Variants in ZNF678 observed in about 807,000 individuals in gnomAD.
ZNF678 encodes the protein zinc finger protein 678.
In ZNF678, 5 loss-of-function variants were observed where a neutral mutation model predicts 3.0. The observed-to-expected ratio is 1.69, with a 90% CI of 0.88 to 3.56. ZNF678 has a LOEUF of 3.56. Ranked by LOEUF, ZNF678 falls within the 30% of genes most tolerant of loss-of-function variation. The probability of loss-of-function intolerance (pLI) is 0.00; values close to 1 mark genes in which losing one functional copy is unlikely to be tolerated. For synonymous variants in ZNF678, 218 were observed against 199.6 expected (o/e 1.09, Z -0.78); for missense variants, 593 against 605.0 (o/e 0.98, Z 0.21).
At chr1:227,599,243 A>G (rs1657672802) in intron 1 of ZNF678, 2 of 686,328 alleles carry the variant, frequency 2.9e-6, no homozygotes, top group African/African-American at 1.8e-5. Context: ...TATTGATCAC[A>G]TTCTAATTCC....
chr1:227,599,079 A>T, intron 1 of ZNF678: 1 of 1,597,752 alleles, frequency 6.3e-7, no homozygotes, highest in Non-Finnish European at 8.6e-7. Context: ...GTTGGCCCTG[A>T]AGACTGGATT....
intron 1 of ZNF678, among the ~76,000 whole-genome samples, chr1:227,628,707 T>C (rs113246998): frequency 4.6e-5 from 7 of 152,338 alleles, no homozygotes; most frequent in Admixed American, 2.6e-4. Context: ...TAAGAGCACT[T>C]GGTTGGCTTG....
intron 3 of ZNF678, among the ~76,000 whole-genome samples, chr1:227,651,640 G>A (rs1386246864): frequency 6.6e-6 from 1 of 152,214 alleles, no homozygotes; most frequent in Non-Finnish European, 1.5e-5. Context: ...GCGTCCTCAA[G>A]TTTGCCACCT....
chr1:227,637,479 A>T (rs1658708265), intron 1 of ZNF678, among the ~76,000 whole-genome samples: 1 of 152,150 alleles, frequency 6.6e-6, no homozygotes, highest in Admixed American at 6.5e-5. Flanking sequence ...GCCATCTGAG[A>T]ACTGTGGCTT....
At chr1:227,601,005 C>T (rs1462317511) in intron 1 of ZNF678, among the ~76,000 whole-genome samples, 1 of 152,160 alleles carries the variant, frequency 6.6e-6, no homozygotes, top group African/African-American at 2.4e-5. Flanking sequence ...CCAGTTCTCC[C>T]AGCATCATTT....
At chr1:227,593,864 C>T (rs56390726) in intron 1 of ZNF678, among the ~76,000 whole-genome samples, 31,037 of 129,812 alleles carry the variant, frequency 0.24, 3,884 homozygotes, top group African/African-American at 0.41. Flanking sequence ...ATCCCCCCCC[C>T]CCCTTTTTTT....
chr1:227,569,682 C>G (rs181102815), intron 1 of ZNF678, among the ~76,000 whole-genome samples: 89 of 149,736 alleles, frequency 5.9e-4, no homozygotes, highest in African/African-American at 1.9e-3. Context: ...TTAGTTTAAG[C>G]TATTTCTTGG....
At chr1:227,564,987 C>T (rs191073234) in intron 1 of ZNF678, among the ~76,000 whole-genome samples, 67 of 151,462 alleles carry the variant, frequency 4.4e-4, no homozygotes, top group Non-Finnish European at 6.8e-4. Flanking sequence ...CCCGCCTTGG[C>T]CTCCCAAAGT....
At position 227,655,182 on chromosome 1, in the gene ZNF678, A is replaced by G; in HGVS notation, c.932A>G (p.His311Arg). Residue 311 changes from histidine (H) to arginine (R), a missense_variant, in exon 4 of 4, where the codon CAT becomes CGT. Transcript: ENST00000343776. ...ACACAGTTTGCAAGCCTTACTCGTC[A>G]TAAAAGAATTCATACTGGAGAAAAA... is the stretch of plus-strand genomic sequence containing the variant. ...AFTQFASLTR[H>R]KRIHTGEKPY... 1 of 1,612,332 alleles carries G rather than the reference A, an allele frequency of 6.2e-7. No homozygotes were observed. The highest frequency in any genetic ancestry group is 1.1e-5 in the South Asian group (1 of 90,930).
At chr1:227,597,584 A>G (rs1254708006) in intron 1 of ZNF678, among the ~76,000 whole-genome samples, 2 of 152,226 alleles carry the variant, frequency 1.3e-5, no homozygotes, top group African/African-American at 2.4e-5. Context: ...AGCACATTCT[A>G]ATGCTAAAAA....
downstream of ZNF678, among the ~76,000 whole-genome samples, chr1:227,667,165 C>G (rs886300902): frequency 1.3e-5 from 2 of 151,498 alleles, no homozygotes. Flanking sequence ...TTCCTCAGCC[C>G]CCCAAGTAGC....
intron 1 of ZNF678, among the ~76,000 whole-genome samples, chr1:227,590,959 A>G (rs1021120975): frequency 9.2e-5 from 14 of 151,714 alleles, no homozygotes; most frequent in African/African-American, 3.4e-4. Context: ...TGGGCCGGGA[A>G]TTCATTCAGG....
At chr1:227,635,123 G>A (rs1336796439) in intron 1 of ZNF678, among the ~76,000 whole-genome samples, 2 of 150,934 alleles carry the variant, frequency 1.3e-5, no homozygotes, top group Admixed American at 6.6e-5. Context: ...AGTTGAATAC[G>A]TAAGTGAAGA....
Position 227,638,294 on chromosome 1 carries a change from A to G in ZNF678, c.-163-8250A>G, listed in dbSNP as rs116496397. ...GAGGGAATTGCGGAAAGTGAAGTAT[A>G]TGGGTCAGGAACTACTAGACAGCTT... is the stretch of plus-strand genomic sequence containing the variant. On this transcript the variant is annotated intron_variant, in intron 1 of 3. Transcript: ENST00000343776. This position sits in a 1 kb window ranked among gnomAD's most constrained non-coding sequence, Gnocchi z 4.2. Among the ~76,000 whole-genome samples the G allele has an allele frequency of 4.7e-3, 712 of 152,326 alleles. 6 individuals carry two copies. Among genetic ancestry groups the G allele is most frequent in the African/African-American group, 0.016 (683 of 41,554 alleles).
At chr1:227,651,155 T>C in intron 3 of ZNF678, 79 bp downstream of exon 3, 4 of 1,499,026 alleles carry the variant, frequency 2.7e-6, no homozygotes, top group Non-Finnish European at 2.7e-6. Context: ...TATACCTGAG[T>C]CCTAAGGTTG....
chr1:227,568,516 C>T (rs1185230976), intron 1 of ZNF678, among the ~76,000 whole-genome samples: 1 of 152,180 alleles, frequency 6.6e-6, no homozygotes, highest in African/African-American at 2.4e-5. Context: ...CATGCATTTA[C>T]CAGGATTGCC....
intron 5 of ZNF678, among the ~76,000 whole-genome samples, chr1:227,668,888 T>TC (rs34315214): frequency 0.19 from 28,184 of 152,026 alleles, 2,763 homozygotes; most frequent in African/African-American, 0.23. Context: ...TGGCCTTATT[T>TC]CCAAGTTTCC....
At chr1:227,615,093 T>C (rs1457076068) in intron 1 of ZNF678, among the ~76,000 whole-genome samples, 1 of 152,212 alleles carries the variant, frequency 6.6e-6, no homozygotes, top group African/African-American at 2.4e-5. Context: ...TAATTATTAG[T>C]TACAGCTTGG....
chr1:227,648,696 G>A (rs1313360282), intron 2 of ZNF678, among the ~76,000 whole-genome samples: 1 of 152,092 alleles, frequency 6.6e-6, no homozygotes, highest in Non-Finnish European at 1.5e-5. Flanking sequence ...GCAGGTGCCT[G>A]TAATCCCAGC....
Sources: allele counts gnomAD v4.1 joint callset (sites outside exome capture counted in the v4.1 genomes callset), GRCh38; gene constraint gnomAD v4.1.1; non-coding constraint Gnocchi (gnomAD v3.1); transcripts MANE v1.5; gene names NCBI Gene and HGNC (gene_info 2026-07-23, HGNC 2026-07-21).